GRID2: variants seen among roughly 807,000 people sequenced by gnomAD.
GRID2 encodes glutamate receptor ionotropic, delta-2.
In GRID2, 33 loss-of-function variants were observed where a neutral mutation model predicts 114.8. The observed-to-expected ratio is 0.29, with a 90% CI of 0.22 to 0.38. The LOEUF (loss-of-function observed/expected upper bound fraction) is 0.38. GRID2 is among the 10% of genes least tolerant of loss of function. GRID2 has a pLI of 1.00. For missense variants in GRID2, 1,184 were observed against 1,257.7 expected (o/e 0.94, Z 0.89); for synonymous variants, 505 against 449.9 (o/e 1.12, Z -1.55).
rs1741260423 is a variant in GRID2 at position 93,194,193 on chromosome 4, G to A, written c.736-13211G>A. Among the ~76,000 whole-genome samples, 3 of 152,188 alleles carry A rather than the reference G, an allele frequency of 2.0e-5. No individual in the cohort carries two copies. In the South Asian group the frequency reaches 6.2e-4, roughly 32 times the overall value. ...ATACTCAAGGCTGATCTTATCACTTGAGATGAAAAAAGAAAAACAAAACAT... is the reference window on the plus strand; with the variant it reads ...ATACTCAAGGCTGATCTTATCACTTAAGATGAAAAAAGAAAAACAAAACAT... On this transcript the variant is annotated intron_variant, in intron 4 of 15. Transcript: ENST00000282020.
At position 92,442,218 on chromosome 4, in the gene GRID2, G is replaced by A. The variant is rs576760359; in HGVS notation, c.88+137474G>A. ...TAGGGGGCTTCCGAGGCGATCGGGC[G>A]GTGTTAGTTTTCAGCCGCTAAGCCG... is the stretch of plus-strand genomic sequence containing the variant. On this transcript the variant is annotated intron_variant, in intron 1 of 15. Transcript: ENST00000282020. Among the ~76,000 whole-genome samples, 554 of 151,882 alleles carry A rather than the reference G, an allele frequency of 3.6e-3. 6 individuals are homozygous for A. Among genetic ancestry groups the A allele is most frequent in the African/African-American group, 0.013 (530 of 41,468 alleles).
intron 10 of GRID2, among the ~76,000 whole-genome samples, chr4:93,425,496 A>C (rs1768753635): frequency 6.6e-6 from 1 of 152,174 alleles, no homozygotes; most frequent in Non-Finnish European, 1.5e-5. Flanking sequence ...AAAGGAACTC[A>C]AAATTCAATC....
chr4:92,525,250 T>TA (rs1724987674), intron 1 of GRID2, among the ~76,000 whole-genome samples: 1 of 151,316 alleles, frequency 6.6e-6, no homozygotes, highest in South Asian at 2.1e-4. Context: ...ATAAAAATCT[T>TA]AGAGTCAGAT....
chr4:92,812,065 A>G (rs1740688225), intron 2 of GRID2, among the ~76,000 whole-genome samples: 2 of 152,168 alleles, frequency 1.3e-5, no homozygotes, highest in African/African-American at 4.8e-5. Context: ...TGTGCCAAAA[A>G]GGCTTCGCCT....
intron 2 of GRID2, among the ~76,000 whole-genome samples, chr4:92,967,070 C>T (rs1022455991): frequency 1.3e-5 from 2 of 151,830 alleles, no homozygotes; most frequent in Non-Finnish European, 2.9e-5. Context: ...TACAAGTGTA[C>T]CCACTTTATA....
chr4:93,204,470 A>G (rs1345448712), intron 4 of GRID2, among the ~76,000 whole-genome samples: 1 of 152,138 alleles, frequency 6.6e-6, no homozygotes, highest in East Asian at 1.9e-4. Flanking sequence ...ATACTGCTAA[A>G]ATATCTTAGA....
chr4:93,649,215 A>G (rs1722374227), intron 14 of GRID2, among the ~76,000 whole-genome samples: 1 of 152,076 alleles, frequency 6.6e-6, no homozygotes, highest in Admixed American at 6.6e-5. Context: ...CCTGTATAGA[A>G]TCCTTCTTAT....
At chr4:92,330,711 A>G (rs1351095131) in intron 1 of GRID2, among the ~76,000 whole-genome samples, 1 of 151,992 alleles carries the variant, frequency 6.6e-6, no homozygotes, top group Non-Finnish European at 1.5e-5. Flanking sequence ...GTGAAAAACC[A>G]TTTTATATAT....
At position 93,043,982 on chromosome 4, in the gene GRID2, G is replaced by C. The variant is rs979003657; in HGVS notation, c.245-41013G>C. On this transcript the variant is annotated intron_variant, in intron 2 of 15. Coordinates refer to ENST00000282020, the MANE Select transcript of GRID2 (RefSeq NM_001510.4). The stretch of plus-strand genomic sequence containing the variant: ...ACCCTTAAGTAGTTTATAGTTATAA[G>C]TGAAGAAAACCTTACATGAAAAAGT... Among the ~76,000 whole-genome samples the C allele has an allele frequency of 2.0e-5, 3 of 151,836 alleles. No individual in the cohort carries two copies. The East Asian group carries it at 5.8e-4, about 29-fold the overall frequency.
intron 2 of GRID2, among the ~76,000 whole-genome samples, chr4:92,670,511 T>A (rs1733006669): frequency 6.6e-6 from 1 of 152,102 alleles, no homozygotes; most frequent in Admixed American, 6.6e-5. Context: ...TTATGAACAT[T>A]AGGTAAACAT....
intron 2 of GRID2, among the ~76,000 whole-genome samples, chr4:92,984,312 C>G (rs931853193): frequency 2.6e-5 from 4 of 152,226 alleles, no homozygotes; most frequent in African/African-American, 7.2e-5. Context: ...GAAAGCCTGT[C>G]ACTAACGTGA....
chr4:92,472,071 C>T (rs1347154582), intron 1 of GRID2, among the ~76,000 whole-genome samples: 1 of 114,398 alleles, frequency 8.7e-6, no homozygotes, highest in East Asian at 2.3e-4. Context: ...GTAGCTGGGA[C>T]TACAGGCGCC....
At chr4:93,049,267 A>T (rs1203230073) in intron 2 of GRID2, among the ~76,000 whole-genome samples, 1 of 152,062 alleles carries the variant, frequency 6.6e-6, no homozygotes, top group African/African-American at 2.4e-5. Flanking sequence ...ACCTAACAGC[A>T]TTCTCATTTA....
Position 92,304,591 on chromosome 4 carries a change from T to TAAA in GRID2, c.-66_-65insAAA. The TAAA allele has an allele frequency of 5.7e-6, 6 of 1,053,372 alleles. No individual in the cohort carries two copies. The highest frequency in any genetic ancestry group is 7.5e-6 in the Non-Finnish European group (5 of 669,686). 65.3% of individuals were successfully genotyped at this position (1,053,372 alleles called of 1,614,324 possible). A position where few individuals can be genotyped will look rare whatever the true frequency, so the allele number is the denominator to read the frequency against. On this transcript the variant is annotated 5_prime_UTR_variant, in exon 1 of 16. Coordinates refer to ENST00000282020, the MANE Select transcript of GRID2 (RefSeq NM_001510.4). ...AACTCCACCGTGACCTCAAACTCTT[T>TAAA]GGACTGTTTGAAAAAAAAAAAATTG...
intron 1 of GRID2, among the ~76,000 whole-genome samples, chr4:93,788,316 C>CAA (rs78420940): frequency 8.4e-5 from 12 of 143,400 alleles, no homozygotes; most frequent in East Asian, 4.0e-4. Flanking sequence ...AGACTCCGCT[C>CAA]AAAAAAAAAA....
intron 1 of GRID2, among the ~76,000 whole-genome samples, chr4:92,467,076 T>A (rs189474277): frequency 9.2e-5 from 14 of 151,894 alleles, no homozygotes; most frequent in Admixed American, 2.6e-4. Flanking sequence ...GTTATCAAAT[T>A]TTACTTTTTT....
chr4:93,224,840 G>T (rs955288704), intron 7 of GRID2, 65 bp downstream of exon 7: 9 of 1,152,494 alleles, frequency 7.8e-6, no homozygotes, highest in Non-Finnish European at 1.0e-5. Flanking sequence ...TTTAGAAAAA[G>T]GGTTTCCTCT....
chr4:92,930,578 ATT>A (rs35741890), intron 2 of GRID2, among the ~76,000 whole-genome samples: 148 of 119,498 alleles, frequency 1.2e-3, no homozygotes, highest in African/African-American at 4.1e-3. Context: ...CACTTTCGGC[ATT>A]TTTTTTTTTT....
At chr4:93,273,635 A>T (rs990386838) in intron 8 of GRID2, among the ~76,000 whole-genome samples, 1 of 152,118 alleles carries the variant, frequency 6.6e-6, no homozygotes, top group Admixed American at 6.6e-5. Context: ...GAGTGATAAC[A>T]TGGGACCTAA....
Sources: allele counts gnomAD v4.1 joint callset (sites outside exome capture counted in the v4.1 genomes callset), GRCh38; gene constraint gnomAD v4.1.1; transcripts MANE v1.5; gene names NCBI Gene and HGNC (gene_info 2026-07-23, HGNC 2026-07-21).